DPP10: variants seen among roughly 807,000 people sequenced by gnomAD.
The protein encoded by DPP10 is dipeptidyl peptidase like 10.
DPP10 carries 33 observed loss-of-function variants against 120.9 expected under a neutral mutation model. The ratio of observed to expected loss-of-function variants is 0.27; its 90% CI spans 0.21 to 0.37. The LOEUF is 0.37. Ranked by LOEUF, DPP10 falls within the 10% of genes least tolerant of loss-of-function variation. The probability of loss-of-function intolerance (pLI) is 1.00; values close to 1 mark genes in which losing one functional copy is unlikely to be tolerated. For missense variants in DPP10, 816 were observed against 942.8 expected (o/e 0.87, Z 1.76); for synonymous variants, 337 against 326.1 (o/e 1.03, Z -0.36).
Position 115,843,840 on chromosome 2 carries a change from A to AT in DPP10, c.*1500dup, listed in dbSNP as rs1690386290. 6.6e-6 allele frequency: 1 copy of AT among 152,606 alleles called. No homozygotes were observed. Among genetic ancestry groups the AT allele is most frequent in the Non-Finnish European group, 1.5e-5 (1 of 68,012 alleles). 9.5% of individuals were successfully genotyped at this position (152,606 alleles called of 1,614,324 possible). On this transcript the variant is annotated 3_prime_UTR_variant, in exon 26 of 26. Transcript: ENST00000410059. The stretch of plus-strand genomic sequence containing the variant: ...CAGATAAATCTAGGCAGGATACTGC[A>AT]TTTTTGTGGTTTTAAAAAAGTCCTT...
intron 1 of DPP10, among the ~76,000 whole-genome samples, chr2:114,787,463 A>G (rs1682861207): frequency 6.6e-6 from 1 of 152,226 alleles, no homozygotes; most frequent in Non-Finnish European, 1.5e-5. Context: ...AGAACAGTTT[A>G]TCATTTTTAA....
chr2:114,755,988 A>G (rs1302064748), intron 1 of DPP10, among the ~76,000 whole-genome samples: 1 of 151,092 alleles, frequency 6.6e-6, no homozygotes, highest in Non-Finnish European at 1.5e-5. Flanking sequence ...ACCTGATGGG[A>G]GAAACAACCC....
chr2:115,369,290 A>G (rs1027385412), intron 3 of DPP10, among the ~76,000 whole-genome samples: 1 of 152,118 alleles, frequency 6.6e-6, no homozygotes, highest in Non-Finnish European at 1.5e-5. Flanking sequence ...AGATTATTTC[A>G]TAAACAAGTC....
rs533342212 is a variant in DPP10 at position 115,424,325 on chromosome 2, T to C, written c.272-75185T>C. 1.1e-3 allele frequency among the ~76,000 whole-genome samples: 163 copies of C among 152,240 alleles called. No individual in the cohort carries two copies. The Middle Eastern group carries it at 0.014, about 13-fold the overall frequency. On this transcript the variant is annotated intron_variant, in intron 3 of 25. Transcript: ENST00000410059. ...TATTTTTCCTGAAAATACTTACTAA[T>C]GTACAGAACTTTTTTATTATAAAAT...
chr2:115,590,310 C>T (rs561927337), intron 5 of DPP10, among the ~76,000 whole-genome samples: 3 of 152,110 alleles, frequency 2.0e-5, no homozygotes, highest in Admixed American at 6.5e-5. Context: ...AATGCTATCC[C>T]TCCCCCTTAC....
chr2:115,196,028 C>A (rs1213477065), intron 1 of DPP10, among the ~76,000 whole-genome samples: 1 of 152,168 alleles, frequency 6.6e-6, no homozygotes, highest in Admixed American at 6.5e-5. Flanking sequence ...TCATGTCCAT[C>A]TGAAGTGTTT....
chr2:115,328,039 T>G (rs2106147049), intron 2 of DPP10, among the ~76,000 whole-genome samples: 1 of 152,160 alleles, frequency 6.6e-6, no homozygotes, highest in South Asian at 2.1e-4. Flanking sequence ...CTTCCTGAAG[T>G]CCACAACCAT....
intron 1 of DPP10, among the ~76,000 whole-genome samples, chr2:114,472,747 A>G (rs1680029312): frequency 6.6e-6 from 1 of 152,200 alleles, no homozygotes; most frequent in Admixed American, 6.5e-5. Flanking sequence ...TAGCTAGAAG[A>G]AACTTTTGGT....
At chr2:115,187,122 C>T (rs1019728261) in intron 1 of DPP10, among the ~76,000 whole-genome samples, 3 of 144,370 alleles carry the variant, frequency 2.1e-5, no homozygotes, top group Non-Finnish European at 3.0e-5. Flanking sequence ...CTGCAAGCTC[C>T]GCTTCCCGGG....
chr2:114,908,998 T>A (rs1184313040), intron 1 of DPP10, among the ~76,000 whole-genome samples: 1 of 151,876 alleles, frequency 6.6e-6, no homozygotes, highest in Non-Finnish European at 1.5e-5. Context: ...GTTAATTAAT[T>A]TTTTATAATT....
chr2:115,097,060 T>G (rs2048435186), intron 1 of DPP10, among the ~76,000 whole-genome samples: 2 of 152,142 alleles, frequency 1.3e-5, no homozygotes, highest in Non-Finnish European at 2.9e-5. Context: ...AATAACCACT[T>G]TGATAATACA....
chr2:115,244,283 CAT>C (rs2058432931), intron 1 of DPP10, among the ~76,000 whole-genome samples: 2 of 117,846 alleles, frequency 1.7e-5, no homozygotes, highest in East Asian at 2.6e-4. Flanking sequence ...GAGAGAGAGA[CAT>C]ATATATGAAT....
At chr2:114,914,008 C>A (rs888301181) in intron 1 of DPP10, among the ~76,000 whole-genome samples, 1 of 151,912 alleles carries the variant, frequency 6.6e-6, no homozygotes, top group Non-Finnish European at 1.5e-5. Flanking sequence ...CAAATCAACT[C>A]AAACACAAAC....
chr2:115,678,049 C>A (rs968722747), intron 5 of DPP10, among the ~76,000 whole-genome samples: 2 of 152,054 alleles, frequency 1.3e-5, no homozygotes, highest in African/African-American at 4.8e-5. Flanking sequence ...TTTGAAAACT[C>A]AAAATTATAT....
intron 14 of DPP10, 137 bp from the exon 15 acceptor site, chr2:115,777,650 C>T: frequency 2.2e-6 from 2 of 930,016 alleles, no homozygotes; most frequent in Non-Finnish European, 3.3e-6. Context: ...TTTAAAAATT[C>T]AAGTGAAGAT....
At chr2:115,514,738 T>G (rs6747089) in intron 4 of DPP10, among the ~76,000 whole-genome samples, 149,897 of 151,848 alleles carry the variant, frequency 0.99, 74,020 homozygotes, top group East Asian at 1. Flanking sequence ...ACATTGTACA[T>G]CGTAGAGATA....
intron 2 of DPP10, among the ~76,000 whole-genome samples, chr2:115,318,406 G>A (rs1372389271): frequency 1.3e-5 from 2 of 152,040 alleles, no homozygotes; most frequent in Non-Finnish European, 2.9e-5. Context: ...GCTATGAAGA[G>A]CCCATCACAG....
At chr2:115,430,432 A>G (rs1220648638) in intron 3 of DPP10, among the ~76,000 whole-genome samples, 4 of 152,262 alleles carry the variant, frequency 2.6e-5, no homozygotes, top group Non-Finnish European at 4.4e-5. Flanking sequence ...TATCATAGAG[A>G]AAAATGAGAT....
intron 1 of DPP10, among the ~76,000 whole-genome samples, chr2:114,903,035 T>C (rs1410493009): frequency 6.6e-6 from 1 of 152,242 alleles, no homozygotes; most frequent in Non-Finnish European, 1.5e-5. Flanking sequence ...GAATGTTATA[T>C]ATTTGGAGTC....
Sources: allele counts gnomAD v4.1 joint callset (sites outside exome capture counted in the v4.1 genomes callset), GRCh38; gene constraint gnomAD v4.1.1; transcripts MANE v1.5; gene names NCBI Gene and HGNC (gene_info 2026-07-23, HGNC 2026-07-21).